The following NR3C2 variants were observed in gnomAD, a reference collection of about 807,000 sequenced individuals.
NR3C2 encodes the protein nuclear receptor subfamily 3 group C member 2, also known as mineralocorticoid receptor.
NR3C2 carries 15 observed loss-of-function variants against 86.4 expected under a neutral mutation model. The observed-to-expected ratio is 0.17, with a 90% CI of 0.12 to 0.27. NR3C2 has a LOEUF of 0.27. NR3C2 is among the 10% of genes least tolerant of loss of function. The probability of loss-of-function intolerance (pLI) is 1.00; values close to 1 mark genes in which losing one functional copy is unlikely to be tolerated. For synonymous variants in NR3C2, 458 were observed against 450.5 expected (o/e 1.02, Z -0.21); for missense variants, 960 against 1,195.6 (o/e 0.80, Z 2.91).
At chr4:148,254,039 A>G (rs1739705459) in intron 3 of NR3C2, among the ~76,000 whole-genome samples, 2 of 151,916 alleles carry the variant, frequency 1.3e-5, no homozygotes, top group East Asian at 1.9e-4. Flanking sequence ...TTCTCTTCCA[A>G]TATAGAGCTG....
At chr4:148,313,200 G>A (rs894311809) in intron 2 of NR3C2, among the ~76,000 whole-genome samples, 2 of 152,140 alleles carry the variant, frequency 1.3e-5, no homozygotes, top group Non-Finnish European at 2.9e-5. Context: ...CGTTCCTCCT[G>A]TGAGGATTAT....
intron 2 of NR3C2, among the ~76,000 whole-genome samples, chr4:148,272,420 G>A (rs1740732860): frequency 6.6e-6 from 1 of 152,160 alleles, no homozygotes; most frequent in South Asian, 2.1e-4. Context: ...CAGGAGTACT[G>A]AGTGAGGATT....
intron 4 of NR3C2, among the ~76,000 whole-genome samples, chr4:148,158,159 A>C (rs1195928595): frequency 6.6e-6 from 1 of 152,226 alleles, no homozygotes; most frequent in East Asian, 1.9e-4. Context: ...ACTGCCCAGG[A>C]GTGCTGAGCC....
chr4:148,341,305 C>A (rs973689000), intron 2 of NR3C2, among the ~76,000 whole-genome samples: 21 of 152,150 alleles, frequency 1.4e-4, no homozygotes, highest in African/African-American at 4.3e-4. Context: ...TGATTTGTAG[C>A]AATATGGATG....
chr4:148,321,695 T>C (rs1233016753), intron 2 of NR3C2, among the ~76,000 whole-genome samples: 1 of 152,112 alleles, frequency 6.6e-6, no homozygotes, highest in Non-Finnish European at 1.5e-5. Context: ...AGACTAGGAT[T>C]GCAACCCCTG....
At chr4:148,269,695 A>G (rs1313618598) in intron 2 of NR3C2, among the ~76,000 whole-genome samples, 2 of 152,166 alleles carry the variant, frequency 1.3e-5, no homozygotes, top group Admixed American at 6.5e-5. Context: ...CTGTGAGCAC[A>G]ATTTATTTGC....
chr4:148,435,616 G>C lies in NR3C2; in HGVS notation c.1245C>G (p.Ser415Arg). 1 of 1,614,090 alleles carries C rather than the reference G, an allele frequency of 6.2e-7. No homozygotes were observed. The highest frequency in any genetic ancestry group is 8.5e-7 in the Non-Finnish European group (1 of 1,180,034). ...AGAATGAAGAATCCGAATTTATTTT[G>C]CTATTTCCTCCTAGACATGAGCTGC... is the stretch of plus-strand genomic sequence containing the variant. ...AFSSSCLGGNSKINSDSSFSV... is the reference protein window; with the variant it reads ...AFSSSCLGGNRKINSDSSFSV... Residue 415 changes from serine to arginine, a missense_variant, in exon 2 of 9, where the codon AGC (serine) becomes AGG (arginine). Ser to Arg is a moderately radical substitution (Grantham distance 110). Coordinates refer to ENST00000358102, the MANE Select transcript of NR3C2 (RefSeq NM_000901.5).
Position 148,113,229 on chromosome 4 carries a change from T to C in NR3C2, c.2799+875A>G, listed in dbSNP as rs571231763. Among the ~76,000 whole-genome samples the C allele has an allele frequency of 5.3e-5, 8 of 152,290 alleles. 1 individual carries two copies. In the South Asian group the frequency reaches 1.4e-3, roughly 28 times the overall value. On this transcript the variant is annotated intron_variant, in intron 8 of 8. Transcript: ENST00000358102. ...CACAAGACAAGAAAGGTGACTCCTA[T>C]GAAGAATAATGAATATAAGACTCAA...
intron 2 of NR3C2, among the ~76,000 whole-genome samples, chr4:148,348,748 T>C (rs1745124853): frequency 1.3e-5 from 2 of 152,156 alleles, no homozygotes; most frequent in South Asian, 4.1e-4. Flanking sequence ...AGGGTTTTAA[T>C]ATCCTATTCT....
intron 2 of NR3C2, among the ~76,000 whole-genome samples, chr4:148,417,278 T>C (rs902756214): frequency 2.0e-5 from 3 of 151,986 alleles, no homozygotes; most frequent in African/African-American, 7.3e-5. Context: ...AAATGTTCAG[T>C]GTATGTATGC....
chr4:148,444,473 C>T (rs1750496579), upstream of NR3C2: 35 of 985,928 alleles, frequency 3.5e-5, no homozygotes, highest in Non-Finnish European at 4.1e-5. Flanking sequence ...CCCCTGCGCT[C>T]TCCGGACCCC....
intron 2 of NR3C2, among the ~76,000 whole-genome samples, chr4:148,403,374 T>C (rs1042069725): frequency 6.6e-6 from 1 of 152,098 alleles, no homozygotes; most frequent in African/African-American, 2.4e-5. Flanking sequence ...TATTACAGAC[T>C]AAATCCCTCA....
chr4:148,104,327 T>TG (rs1193919298), intron 8 of NR3C2, among the ~76,000 whole-genome samples: 9 of 102,860 alleles, frequency 8.7e-5, no homozygotes, highest in African/African-American at 4.4e-4. Context: ...GTTTGTTTTT[T>TG]TGTGTTTTGG....
intron 4 of NR3C2, among the ~76,000 whole-genome samples, chr4:148,167,425 G>A (rs1734927078): frequency 6.6e-6 from 1 of 152,176 alleles, no homozygotes; most frequent in Admixed American, 6.5e-5. Context: ...TCCCTTTAGA[G>A]CATTTTTAGC....
At chr4:148,205,362 T>C (rs770673138) in intron 3 of NR3C2, among the ~76,000 whole-genome samples, 1 of 152,228 alleles carries the variant, frequency 6.6e-6, no homozygotes, top group African/African-American at 2.4e-5. Context: ...AGATGTACTA[T>C]AGGACATCTG....
intron 2 of NR3C2, among the ~76,000 whole-genome samples, chr4:148,322,330 C>G (rs1232847038): frequency 6.9e-6 from 1 of 145,232 alleles, no homozygotes; most frequent in African/African-American, 2.6e-5. Context: ...TTCATTTCAA[C>G]TTTGGTGAAT....
chr4:148,263,429 T>A (rs150618021), intron 2 of NR3C2, among the ~76,000 whole-genome samples: 1,965 of 152,328 alleles, frequency 0.013, 18 homozygotes, highest in Non-Finnish European at 0.021. Flanking sequence ...TGCATCCCAC[T>A]GTTGGTAACA....
In NR3C2 at chr4:148,210,315, C is replaced by T. The variant is rs532837996; in HGVS notation, c.1898-15453G>A. On this transcript the variant is annotated intron_variant, in intron 3 of 8. Transcript: ENST00000358102. The stretch of plus-strand genomic sequence containing the variant: ...AAGCATTTCTCCTGCCTCAGCCTCC[C>T]AAGTAGCTGGGAACACAGGCGCATG... 1.6e-4 allele frequency among the ~76,000 whole-genome samples: 24 copies of T among 152,250 alleles called. No homozygotes were observed. In the South Asian group the frequency reaches 3.1e-3, roughly 20 times the overall value.
At chr4:148,214,699 G>C (rs1366823047) in intron 3 of NR3C2, among the ~76,000 whole-genome samples, 1 of 152,190 alleles carries the variant, frequency 6.6e-6, no homozygotes, top group Non-Finnish European at 1.5e-5. Flanking sequence ...CCTGGCTCAA[G>C]GAAAGAGCAG....
Sources: allele counts gnomAD v4.1 joint callset (sites outside exome capture counted in the v4.1 genomes callset), GRCh38; gene constraint gnomAD v4.1.1; transcripts MANE v1.5; gene names NCBI Gene and HGNC (gene_info 2026-07-23, HGNC 2026-07-21).